TMC1: variants seen among roughly 807,000 people sequenced by gnomAD.
TMC1 encodes the protein transmembrane channel like 1.
TMC1 carries 84 observed loss-of-function variants against 105.8 expected under a neutral mutation model. The observed-to-expected ratio is 0.79, with a 90% CI of 0.67 to 0.95. The LOEUF (loss-of-function observed/expected upper bound fraction) is 0.95, where lower values mean the gene tolerates loss of function less well. Ranked by LOEUF, TMC1 falls within the 40% of genes least tolerant of loss-of-function variation. The probability of loss-of-function intolerance (pLI) is 0.00; values close to 1 mark genes in which losing one functional copy is unlikely to be tolerated. For missense variants in TMC1, 817 were observed against 914.1 expected (o/e 0.89, Z 1.37); for synonymous variants, 315 against 311.5 (o/e 1.01, Z -0.12).
At chr9:72,635,958 C>G (rs929298687) in intron 4 of TMC1, among the ~76,000 whole-genome samples, 1 of 152,112 alleles carries the variant, frequency 6.6e-6, no homozygotes, top group Admixed American at 6.5e-5. Flanking sequence ...GGATAACTCC[C>G]TTTATGCTGG....
intron 13 of TMC1, among the ~76,000 whole-genome samples, chr9:72,778,487 T>A (rs1165437284): frequency 6.6e-6 from 1 of 151,572 alleles, no homozygotes; most frequent in Non-Finnish European, 1.5e-5. Context: ...GCTGCAGGAG[T>A]CTCAATGACC....
At chr9:72,708,867 C>T (rs1439653877) in intron 8 of TMC1, among the ~76,000 whole-genome samples, 1 of 152,056 alleles carries the variant, frequency 6.6e-6, no homozygotes, top group African/African-American at 2.4e-5. Context: ...ATTCCCTGTT[C>T]AGTATTATGT....
intron 18 of TMC1, 32 bp from the exon 19 acceptor site, chr9:72,816,111 C>T (rs755187057): frequency 5.4e-5 from 86 of 1,604,420 alleles, no homozygotes; most frequent in Admixed American, 1.5e-4. Context: ...CCATGTGAGA[C>T]GCTAATCCAA....
chr9:72,536,364 G>A lies in TMC1; in HGVS notation c.-428+14451G>A, dbSNP rs150638921. On this transcript the variant is annotated intron_variant, in intron 1 of 23. Transcript: ENST00000297784. ...ATTCTTTTTTTTGAGGCAGAGTCTC[G>A]CTCCGTCACCCAGGCTGGAGTGCAG... 5.2e-3 allele frequency among the ~76,000 whole-genome samples: 788 copies of A among 152,164 alleles called. 4 individuals are homozygous for A. The highest frequency in any genetic ancestry group is 0.018 in the African/African-American group (739 of 41,528).
intron 8 of TMC1, among the ~76,000 whole-genome samples, chr9:72,712,593 C>T (rs992537171): frequency 2.0e-5 from 3 of 152,084 alleles, no homozygotes; most frequent in Non-Finnish European, 2.9e-5. Flanking sequence ...TATAGGAATA[C>T]TTGTGATTTT....
At chr9:72,727,640 G>T (rs950995777) in intron 8 of TMC1, among the ~76,000 whole-genome samples, 1 of 152,078 alleles carries the variant, frequency 6.6e-6, no homozygotes, top group Non-Finnish European at 1.5e-5. Flanking sequence ...GTTGAGATAT[G>T]GTTTTAGACA....
intron 4 of TMC1, among the ~76,000 whole-genome samples, chr9:72,635,920 C>T (rs2132139118): frequency 6.6e-6 from 1 of 152,226 alleles, no homozygotes; most frequent in African/African-American, 2.4e-5. Context: ...CTTTCTATGG[C>T]CATTGAACTT....
At chr9:72,738,952 A>G (rs553998055) in intron 8 of TMC1, among the ~76,000 whole-genome samples, 1 of 151,864 alleles carries the variant, frequency 6.6e-6, no homozygotes, top group Non-Finnish European at 1.5e-5. Flanking sequence ...ACAAGCCTGG[A>G]TTGCCTCTAT....
At chr9:72,648,573 A>G (rs1825752099) in intron 4 of TMC1, 24 bp from the exon 5 acceptor site, 24 of 1,357,528 alleles carry the variant, frequency 1.8e-5, no homozygotes, top group Non-Finnish European at 2.4e-5. Flanking sequence ...TCAAACCTGA[A>G]ATATTTGTTC....
chr9:72,718,728 A>G (rs1564512025), intron 8 of TMC1, among the ~76,000 whole-genome samples: 1 of 152,132 alleles, frequency 6.6e-6, no homozygotes, highest in Admixed American at 6.5e-5. Flanking sequence ...CTGTGGTAGT[A>G]TAGGGGAGGA....
At chr9:72,805,244 G>T (rs1828551844) in intron 17 of TMC1, 138 bp from the exon 18 acceptor site, 3 of 744,334 alleles carry the variant, frequency 4.0e-6, no homozygotes, top group East Asian at 5.3e-5. Context: ...TACTTGATAT[G>T]ACTAGTTGTT....
intron 4 of TMC1, among the ~76,000 whole-genome samples, chr9:72,639,411 A>G (rs1401836512): frequency 1.3e-5 from 2 of 151,900 alleles, no homozygotes; most frequent in Non-Finnish European, 2.9e-5. Context: ...TAATCTCTTG[A>G]TTTTTTTTAT....
intron 13 of TMC1, among the ~76,000 whole-genome samples, chr9:72,782,819 C>T (rs905535277): frequency 2.6e-5 from 4 of 152,028 alleles, no homozygotes; most frequent in Non-Finnish European, 5.9e-5. Context: ...AAATTCCATG[C>T]TCATAGATGG....
At chr9:72,775,322 T>C (rs1385500935) in intron 13 of TMC1, among the ~76,000 whole-genome samples, 2 of 152,106 alleles carry the variant, frequency 1.3e-5, no homozygotes, top group Admixed American at 1.3e-4. Context: ...TTAGAAATCT[T>C]CATGATAAAT....
At chr9:72,538,499 C>T (rs764167324) in intron 1 of TMC1, among the ~76,000 whole-genome samples, 14 of 151,834 alleles carry the variant, frequency 9.2e-5, no homozygotes, top group South Asian at 2.1e-4. Flanking sequence ...TGCAGTGGCA[C>T]GATCTCGGCT....
At chr9:72,755,071 G>GGGGA (rs1554725177) in intron 12 of TMC1, among the ~76,000 whole-genome samples, 187 bp downstream of exon 12, 1 of 126,940 alleles carries the variant, frequency 7.9e-6, no homozygotes, top group African/African-American at 3.0e-5. Flanking sequence ...AGGGAGGGAG[G>GGGGA]GAGAGAGAGA....
chr9:72,662,417 G>A (rs553260210), intron 5 of TMC1, among the ~76,000 whole-genome samples: 2 of 149,880 alleles, frequency 1.3e-5, no homozygotes, highest in Admixed American at 6.7e-5. Flanking sequence ...GGCTGGTCTC[G>A]AACTCCTGAC....
chr9:72,531,795 A>C (rs1823501643), intron 1 of TMC1, among the ~76,000 whole-genome samples: 1 of 152,118 alleles, frequency 6.6e-6, no homozygotes, highest in Non-Finnish European at 1.5e-5. Flanking sequence ...ACCTATCTTC[A>C]ATTGGAAAAT....
At chr9:72,751,466 G>A (rs982726403) in intron 10 of TMC1, among the ~76,000 whole-genome samples, 1 of 152,212 alleles carries the variant, frequency 6.6e-6, no homozygotes, top group African/African-American at 2.4e-5. Flanking sequence ...CTAATTACTA[G>A]CTAGGCACTG....
Sources: allele counts gnomAD v4.1 joint callset (sites outside exome capture counted in the v4.1 genomes callset), GRCh38; gene constraint gnomAD v4.1.1; transcripts MANE v1.5; gene names NCBI Gene and HGNC (gene_info 2026-07-23, HGNC 2026-07-21).